The following PIWIL3 variants were observed in gnomAD, a reference collection of about 807,000 sequenced individuals.
The protein encoded by PIWIL3 is piwi like RNA-mediated gene silencing 3.
Under a neutral mutation model 109.7 loss-of-function variants are expected in PIWIL3, and 101 were observed. The observed-to-expected ratio is 0.92, with a 90% CI of 0.78 to 1.09. The LOEUF is 1.09. Among genes scored for constraint, PIWIL3 ranks in the 50% least tolerant of loss-of-function variants. The pLI is 0.00. For synonymous variants in PIWIL3, 373 were observed against 376.4 expected (o/e 0.99, Z 0.10); for missense variants, 1,031 against 1,072.6 (o/e 0.96, Z 0.54).
intron 12 of PIWIL3, among the ~76,000 whole-genome samples, chr22:24,743,335 C>T (rs889499666): frequency 1.3e-5 from 2 of 152,152 alleles, no homozygotes; most frequent in African/African-American, 2.4e-5. Context: ...CTAGCAATCC[C>T]ACTACTAGGT....
chr22:24,751,252 TAAGTC>T (rs1569106493), intron 9 of PIWIL3, 130 bp downstream of exon 9: 26 of 853,294 alleles, frequency 3.0e-5, no homozygotes, highest in South Asian at 9.2e-5. Flanking sequence ...GGATAATAGA[TAAGTC>T]AAGCTATAAT....
At chr22:24,729,933 CTTTT>C (rs77524370) in intron 14 of PIWIL3, among the ~76,000 whole-genome samples, 1 of 125,900 alleles carries the variant, frequency 7.9e-6, no homozygotes, top group African/African-American at 2.9e-5. Flanking sequence ...TCTACTTTTT[CTTTT>C]TTTTTTTTTT....
intron 8 of PIWIL3, among the ~76,000 whole-genome samples, chr22:24,752,838 T>C (rs1389853916): frequency 6.6e-6 from 1 of 152,192 alleles, no homozygotes; most frequent in Non-Finnish European, 1.5e-5. Context: ...TGCCAACACT[T>C]GTCAATATCT....
At chr22:24,774,044 A>C (rs751792279) in intron 1 of PIWIL3, among the ~76,000 whole-genome samples, 3 of 152,268 alleles carry the variant, frequency 2.0e-5, no homozygotes, top group African/African-American at 7.2e-5. Context: ...ATAAATATAC[A>C]TACTCCACAT....
intron 12 of PIWIL3, among the ~76,000 whole-genome samples, chr22:24,737,900 C>T (rs1295595558): frequency 6.6e-6 from 1 of 152,164 alleles, no homozygotes; most frequent in Non-Finnish European, 1.5e-5. Flanking sequence ...GTGGCTCACG[C>T]CTGGAATCCC....
rs764467799 is a variant in PIWIL3, at chr22:24,757,918, G to A, written c.345C>T (p.Asp115=). 1 of 1,605,590 alleles carries A rather than the reference G, an allele frequency of 6.2e-7. No individual in the cohort carries two copies. The highest frequency in any genetic ancestry group is 8.5e-7 in the Non-Finnish European group (1 of 1,177,780). The change falls in exon 4 of 21, where the codon GAC becomes GAT. Residue 115 remains aspartate (D), a synonymous_variant. Transcript: ENST00000616349. ...TCTAGACCAACATACCTGTTTTTGA[G>A]TCTTTAACATGCTTCATATCTTGCC... is the stretch of plus-strand genomic sequence containing the variant. ...NTRQDMKHVK[D]SKTGSEGTVV...
intron 4 of PIWIL3, among the ~76,000 whole-genome samples, chr22:24,756,987 G>A (rs1925074178): frequency 6.7e-6 from 1 of 148,364 alleles, no homozygotes; most frequent in Non-Finnish European, 1.5e-5. Context: ...GCTGAGACAG[G>A]AGAATCACTT....
At chr22:24,748,525 T>A (rs1924504575) in intron 12 of PIWIL3, among the ~76,000 whole-genome samples, 1 of 152,200 alleles carries the variant, frequency 6.6e-6, no homozygotes, top group African/African-American at 2.4e-5. Flanking sequence ...AAATACCACA[T>A]GTAACCCATA....
intron 16 of PIWIL3, among the ~76,000 whole-genome samples, chr22:24,726,028 C>T (rs1324401654): frequency 6.6e-6 from 1 of 152,162 alleles, no homozygotes; most frequent in Non-Finnish European, 1.5e-5. Flanking sequence ...GACCACCTGA[C>T]ATTGTGATGT....
intron 3 of PIWIL3, 83 bp downstream of exon 3, chr22:24,759,786 C>G (rs1334643971): frequency 6.3e-7 from 1 of 1,585,976 alleles, no homozygotes; most frequent in Non-Finnish European, 8.6e-7. Context: ...AGTCCTGAGG[C>G]TATCTAGAAC....
intron 14 of PIWIL3, among the ~76,000 whole-genome samples, chr22:24,732,204 C>G (rs1923392993): frequency 6.6e-6 from 1 of 152,168 alleles, no homozygotes; most frequent in Non-Finnish European, 1.5e-5. Context: ...CTGCCTTTAC[C>G]TCATGCCACA....
intron 17 of PIWIL3, 111 bp downstream of exon 17, chr22:24,725,334 A>G (rs1922924745): frequency 7.4e-7 from 1 of 1,350,626 alleles, no homozygotes; most frequent in South Asian, 1.3e-5. Flanking sequence ...CAGTTGTGAC[A>G]CCAAAAACTA....
At chr22:24,754,908 T>A in intron 6 of PIWIL3, 44 bp from the exon 7 acceptor site, 1 of 1,518,604 alleles carries the variant, frequency 6.6e-7, no homozygotes. Flanking sequence ...ACAGGGTACA[T>A]TATTAAGCAT....
chr22:24,749,829 A>T lies in PIWIL3; in HGVS notation c.1090-10T>A. 1 of 1,613,542 alleles carries T rather than the reference A, an allele frequency of 6.2e-7. No individual in the cohort carries two copies. On this transcript the variant is annotated splice_polypyrimidine_tract_variant and intron_variant, in intron 9 of 20. Transcript: ENST00000616349. ...CAATTTCTTTATGTTGCTGCTCAAC[A>T]AACAAGAGACCAGCATGACCATCAG...
At chr22:24,756,424 T>C (rs749356746) in intron 5 of PIWIL3, 67 bp downstream of exon 5, 481 of 1,429,286 alleles carry the variant, frequency 3.4e-4, no homozygotes, top group Non-Finnish European at 4.4e-4. Flanking sequence ...AAACAATAGG[T>C]GTTTTATTAT....
Position 24,734,117 on chromosome 22 carries a change from T to C in PIWIL3, c.1674A>G (p.Thr558=), listed in dbSNP as rs1923512895. ...GTGTTGGTCTAGTATATTTCCGTAA[T>C]GTGTCTATATAGGAGTTAGCATCAC... is the stretch of plus-strand genomic sequence containing the variant. ...VDGDANSYID[T]LRKYTRPTLQ... is the part of the protein sequence containing the mutation. The change falls in exon 14 of 21, where the codon ACA becomes ACG. Residue 558 remains threonine (T), a synonymous_variant. Coordinates refer to ENST00000616349, the MANE Select transcript of PIWIL3 (RefSeq NM_001255975.1). The C allele has an allele frequency of 5.6e-6, 9 of 1,612,906 alleles. No individual in the cohort carries two copies. The highest frequency in any genetic ancestry group is 4.4e-5 in the South Asian group (4 of 90,664).
intron 12 of PIWIL3, among the ~76,000 whole-genome samples, chr22:24,736,160 T>C (rs1923645499): frequency 6.6e-6 from 1 of 152,180 alleles, no homozygotes; most frequent in African/African-American, 2.4e-5. Flanking sequence ...AACTCCAGTA[T>C]AAACAGTAAA....
rs185134613 is a variant in PIWIL3, at chr22:24,758,958, G to C, written c.223+911C>G. ...ACCCAGGCTGCAGTGCAGTGGCACT[G>C]TCTCAGCTCACTGGAACCTCTGCCT... On this transcript the variant is annotated intron_variant, in intron 3 of 20. Coordinates refer to ENST00000616349, the MANE Select transcript of PIWIL3 (RefSeq NM_001255975.1). 6.6e-5 allele frequency among the ~76,000 whole-genome samples: 10 copies of C among 152,290 alleles called. No individual in the cohort carries two copies. In the East Asian group the frequency reaches 1.9e-3, roughly 29 times the overall value.
At position 24,749,709 on chromosome 22, in the gene PIWIL3, C is replaced by T. The variant is rs182355642; in HGVS notation, c.1200G>A (p.Gln400=). 1.2e-6 allele frequency: 2 copies of T among 1,614,132 alleles called. No individual in the cohort carries two copies. The highest frequency in any genetic ancestry group is 1.7e-6 in the Non-Finnish European group (2 of 1,180,042). The change falls in exon 10 of 21, where the codon CAG becomes CAA. Residue 400 remains glutamine, a synonymous_variant. Transcript: ENST00000616349. The stretch of plus-strand genomic sequence containing the variant: ...CATCAGTACCTGTCATGTGGCACAG[C>T]TGAGGAATCAGCAGGATAGGTTCAC... ...TQREPILLIP[Q]LCHMTGLTDE... is the part of the protein sequence containing the mutation.
Sources: gnomAD v4.1 joint callset for allele counts (sites outside exome capture counted in the v4.1 genomes callset) on GRCh38, gnomAD v4.1.1 for gene constraint, MANE v1.5 for transcripts, NCBI Gene and HGNC (gene_info 2026-07-23, HGNC 2026-07-21) for gene names.